Variants in GALNT17 observed in about 807,000 individuals in gnomAD.
GALNT17 encodes the protein UDP-GalNAc:polypeptide N-acetylgalactosaminyltransferase-like 3.
In GALNT17, 29 loss-of-function variants were observed where a neutral mutation model predicts 63.7. That is an observed-to-expected ratio of 0.46 (90% CI 0.34 to 0.62). The LOEUF (loss-of-function observed/expected upper bound fraction) is 0.62. Ranked by LOEUF, GALNT17 falls within the 20% of genes least tolerant of loss-of-function variation. GALNT17 has a pLI of 0.01. For missense variants in GALNT17, 603 were observed against 799.6 expected (o/e 0.75, Z 2.97); for synonymous variants, 305 against 318.3 (o/e 0.96, Z 0.45).
At chr7:71,481,754 G>C (rs1476127436) in intron 5 of GALNT17, among the ~76,000 whole-genome samples, 2 of 152,080 alleles carry the variant, frequency 1.3e-5, no homozygotes, top group African/African-American at 4.8e-5. Context: ...CCACCGTGAA[G>C]GGCCCTGGCT....
intron 9 of GALNT17, among the ~76,000 whole-genome samples, chr7:71,693,819 TA>T (rs10695372): frequency 0.025 from 3,561 of 144,936 alleles, 121 homozygotes; most frequent in African/African-American, 0.082. Flanking sequence ...TAAAAAAAGT[TA>T]AAAAAAAAAA....
At chr7:71,262,345 G>A (rs1790400254) in intron 1 of GALNT17, among the ~76,000 whole-genome samples, 1 of 151,792 alleles carries the variant, frequency 6.6e-6, no homozygotes, top group African/African-American at 2.4e-5. Flanking sequence ...CAAAGTCCCG[G>A]CCTCAAGCAG....
At chr7:71,300,517 C>G (rs7806503) in intron 1 of GALNT17, 236,636 of 421,740 alleles carry the variant, frequency 0.56, 67,845 homozygotes, top group East Asian at 0.83. Flanking sequence ...GTTATTTTCT[C>G]ATCCTAATAA....
At chr7:71,650,674 T>C (rs1343109467) in intron 6 of GALNT17, among the ~76,000 whole-genome samples, 1 of 152,176 alleles carries the variant, frequency 6.6e-6, no homozygotes, top group African/African-American at 2.4e-5. Context: ...TAAACATAGC[T>C]TATCTATAAT....
intron 9 of GALNT17, among the ~76,000 whole-genome samples, chr7:71,696,539 T>C (rs1287981241): frequency 2.0e-5 from 3 of 152,238 alleles, no homozygotes; most frequent in Non-Finnish European, 1.5e-5. Flanking sequence ...TGATGGATTT[T>C]GCTGTGTTCT....
intron 1 of GALNT17, among the ~76,000 whole-genome samples, chr7:71,165,599 G>A (rs750300882): frequency 6.6e-6 from 1 of 152,090 alleles, no homozygotes; most frequent in Non-Finnish European, 1.5e-5. Context: ...TCTCCCACCG[G>A]GTCCCTCATG....
At chr7:71,316,984 G>T (rs554319865) in intron 1 of GALNT17, among the ~76,000 whole-genome samples, 1 of 152,104 alleles carries the variant, frequency 6.6e-6, no homozygotes, top group Non-Finnish European at 1.5e-5. Flanking sequence ...AGGATAACTG[G>T]GGCATGGAAG....
intron 2 of GALNT17, among the ~76,000 whole-genome samples, chr7:71,387,046 C>T (rs1432468346): frequency 2.0e-5 from 3 of 151,560 alleles, no homozygotes; most frequent in Non-Finnish European, 4.4e-5. Flanking sequence ...AGGGGAGTGG[C>T]GAGTAAGACT....
At chr7:71,444,255 C>G (rs1437795040) in intron 5 of GALNT17, among the ~76,000 whole-genome samples, 1 of 152,184 alleles carries the variant, frequency 6.6e-6, no homozygotes, top group South Asian at 2.1e-4. Context: ...ATTCCCCTAC[C>G]CATCCCAGCC....
chr7:71,527,446 C>G (rs1166019477), intron 5 of GALNT17, among the ~76,000 whole-genome samples: 3 of 152,140 alleles, frequency 2.0e-5, no homozygotes, highest in African/African-American at 7.2e-5. Flanking sequence ...GAGCCCTGAG[C>G]CTAGAGATTC....
In GALNT17 at chr7:71,193,375, C is replaced by G. The variant is rs1023241929; in HGVS notation, c.238+60335C>G. ...TTGGCCTCCCAAAGTGCTGGGATTA[C>G]AGGTGTAAGCCACCACACTTGCCCC... On this transcript the variant is annotated intron_variant, in intron 1 of 10. Coordinates refer to ENST00000333538, the MANE Select transcript of GALNT17 (RefSeq NM_022479.3). Among the ~76,000 whole-genome samples the G allele has an allele frequency of 5.3e-5, 8 of 151,692 alleles. No individual in the cohort carries two copies. The East Asian group carries it at 1.2e-3, about 22-fold the overall frequency.
intron 1 of GALNT17, among the ~76,000 whole-genome samples, chr7:71,300,067 T>C (rs1442908501): frequency 6.6e-6 from 1 of 152,150 alleles, no homozygotes; most frequent in African/African-American, 2.4e-5. Flanking sequence ...CGTAAGCCAC[T>C]GCACCCTGCC....
At chr7:71,672,417 G>A (rs1791084104) in intron 8 of GALNT17, among the ~76,000 whole-genome samples, 1 of 152,186 alleles carries the variant, frequency 6.6e-6, no homozygotes, top group African/African-American at 2.4e-5. Context: ...CAAAGGAAAT[G>A]TGTCATGGAT....
At chr7:71,221,781 G>A (rs758810645) in intron 1 of GALNT17, among the ~76,000 whole-genome samples, 1 of 152,104 alleles carries the variant, frequency 6.6e-6, no homozygotes, top group Non-Finnish European at 1.5e-5. Context: ...TAGACTTGCA[G>A]GAAAGTTGCA....
At chr7:71,197,913 G>T (rs1266373697) in intron 1 of GALNT17, among the ~76,000 whole-genome samples, 3 of 151,874 alleles carry the variant, frequency 2.0e-5, no homozygotes, top group South Asian at 4.2e-4. Flanking sequence ...AAAAGGGGAT[G>T]CAGGCCAGGC....
chr7:71,671,769 T>A (rs1791073073), intron 8 of GALNT17, among the ~76,000 whole-genome samples: 1 of 152,188 alleles, frequency 6.6e-6, no homozygotes, highest in Non-Finnish European at 1.5e-5. Flanking sequence ...CTCACGCCTG[T>A]AATCCCAGCA....
intron 2 of GALNT17, among the ~76,000 whole-genome samples, chr7:71,357,032 C>T (rs541090035): frequency 2.0e-5 from 3 of 152,170 alleles, no homozygotes; most frequent in Admixed American, 1.3e-4. Flanking sequence ...GTGATCCACC[C>T]TCCTCGGCCT....
chr7:71,156,506 G>C (rs1788237074), intron 1 of GALNT17, among the ~76,000 whole-genome samples: 1 of 151,574 alleles, frequency 6.6e-6, no homozygotes, highest in African/African-American at 2.4e-5. Context: ...CTTCCTTCAA[G>C]CAATACATCT....
chr7:71,221,382 G>C (rs1187379380), intron 1 of GALNT17, among the ~76,000 whole-genome samples: 1 of 129,086 alleles, frequency 7.7e-6, no homozygotes, highest in Non-Finnish European at 1.6e-5. Flanking sequence ...TTACAGCCAT[G>C]CTTTTTTTTT....
Sources: gnomAD v4.1 joint callset for allele counts (sites outside exome capture counted in the v4.1 genomes callset) on GRCh38, gnomAD v4.1.1 for gene constraint, MANE v1.5 for transcripts, NCBI Gene and HGNC (gene_info 2026-07-23, HGNC 2026-07-21) for gene names.